The following CSMD3 variants were observed in gnomAD, a reference collection of about 807,000 sequenced individuals.
CSMD3 encodes the protein CUB and Sushi multiple domains 3, also known as CUB and sushi domain-containing protein 3.
In CSMD3, 177 loss-of-function variants were observed where a neutral mutation model predicts 435.2. The ratio of observed to expected loss-of-function variants is 0.41; its 90% CI spans 0.36 to 0.46. The LOEUF (loss-of-function observed/expected upper bound fraction) is 0.46, where lower values mean the gene tolerates loss of function less well. Among genes scored for constraint, CSMD3 ranks in the 20% least tolerant of loss-of-function variants. The pLI is 0.34. For missense variants in CSMD3, 4,265 were observed against 4,504.6 expected, an observed-to-expected ratio of 0.95 and a Z score of 1.52; for synonymous variants, 1,656 against 1,520.5, an observed-to-expected ratio of 1.09 and a Z score of -2.07.
intron 4 of CSMD3, among the ~76,000 whole-genome samples, chr8:113,172,102 T>A (rs376131290): frequency 9.8e-5 from 15 of 152,328 alleles, no homozygotes; most frequent in Middle Eastern, 6.8e-3. Context: ...TTCTTGCTCC[T>A]AGTGCTGCTG....
At chr8:112,852,882 A>G (rs1025166882) in intron 11 of CSMD3, among the ~76,000 whole-genome samples, 2 of 151,852 alleles carry the variant, frequency 1.3e-5, no homozygotes, top group African/African-American at 2.4e-5. Context: ...AGATCGTGCC[A>G]CTGTACTCCA....
At chr8:112,302,833 G>A (rs1341424472) in intron 52 of CSMD3, among the ~76,000 whole-genome samples, 5 of 151,048 alleles carry the variant, frequency 3.3e-5, no homozygotes, top group Non-Finnish European at 5.9e-5. Flanking sequence ...ATCATTTGAG[G>A]TCGCTATTAA....
intron 41 of CSMD3, among the ~76,000 whole-genome samples, chr8:112,342,777 G>A (rs950532531): frequency 6.6e-6 from 1 of 151,478 alleles, no homozygotes; most frequent in Non-Finnish European, 1.5e-5. Context: ...ATTTAAAACA[G>A]GGTTTAAAAT....
At chr8:113,404,238 A>G (rs1328436562) in intron 1 of CSMD3, among the ~76,000 whole-genome samples, 2 of 151,436 alleles carry the variant, frequency 1.3e-5, no homozygotes, top group Non-Finnish European at 3.0e-5. Flanking sequence ...AAAATTAATG[A>G]AATGCATAAT....
intron 9 of CSMD3, among the ~76,000 whole-genome samples, chr8:112,929,166 C>G (rs1475629836): frequency 2.2e-5 from 3 of 134,646 alleles, no homozygotes; most frequent in Non-Finnish European, 4.6e-5. Flanking sequence ...TGTTTGAGTT[C>G]ATTGTAGATT....
chr8:112,553,404 A>G (rs574880194), intron 25 of CSMD3, among the ~76,000 whole-genome samples: 1 of 152,070 alleles, frequency 6.6e-6, no homozygotes, highest in African/African-American at 2.4e-5. Context: ...CTGTTGTGAT[A>G]ACTGGAGTGA....
intron 4 of CSMD3, among the ~76,000 whole-genome samples, chr8:113,115,824 T>C (rs577114493): frequency 3.0e-4 from 45 of 152,300 alleles, no homozygotes; most frequent in Middle Eastern, 3.4e-3. Flanking sequence ...TTAAATCTTA[T>C]CTTCTGAGGC....
chr8:113,390,986 T>C (rs369356440), intron 1 of CSMD3, among the ~76,000 whole-genome samples: 1 of 152,056 alleles, frequency 6.6e-6, no homozygotes, highest in Admixed American at 6.6e-5. Flanking sequence ...ATGCTTCATG[T>C]TGTCAACAGC....
chr8:113,390,551 G>A (rs2094457251), intron 1 of CSMD3, among the ~76,000 whole-genome samples: 1 of 151,696 alleles, frequency 6.6e-6, no homozygotes, highest in Non-Finnish European at 1.5e-5. Context: ...TCACTAGGTT[G>A]TGAACTCCTT....
At chr8:113,392,865 G>T (rs1349114231) in intron 1 of CSMD3, among the ~76,000 whole-genome samples, 1 of 151,624 alleles carries the variant, frequency 6.6e-6, no homozygotes, top group African/African-American at 2.4e-5. Context: ...GAAGAAAATT[G>T]CTTATAGTTT....
chr8:113,008,867 TATAA>T (rs541352289), intron 6 of CSMD3, among the ~76,000 whole-genome samples: 17 of 151,500 alleles, frequency 1.1e-4, no homozygotes, highest in South Asian at 6.2e-4. Flanking sequence ...TCTTCTAGTC[TATAA>T]ATAAACTATT....
chr8:113,272,143 C>T (rs113473234), intron 3 of CSMD3, among the ~76,000 whole-genome samples: 3,514 of 152,120 alleles, frequency 0.023, 50 homozygotes, highest in Middle Eastern at 0.051. Context: ...TAGGTGCAAG[C>T]GACTTACCTT....
At chr8:112,852,702 C>G (rs541496450) in intron 11 of CSMD3, among the ~76,000 whole-genome samples, 2 of 151,918 alleles carry the variant, frequency 1.3e-5, no homozygotes, top group Admixed American at 1.3e-4. Flanking sequence ...GTGGGTGGAT[C>G]GCGAGGTCAG....
At chr8:113,182,584 C>T (rs1360543268) in intron 3 of CSMD3, among the ~76,000 whole-genome samples, 2 of 151,738 alleles carry the variant, frequency 1.3e-5, no homozygotes, top group African/African-American at 2.4e-5. Flanking sequence ...AAACTCACAA[C>T]GAATTGCTTA....
At chr8:112,929,391 A>T (rs987499570) in intron 9 of CSMD3, among the ~76,000 whole-genome samples, 3 of 49,526 alleles carry the variant, frequency 6.1e-5, no homozygotes, top group East Asian at 8.4e-4. Context: ...AAAAAAATTA[A>T]AAAAAAAAGA....
At chr8:113,076,134 A>G (rs552347464) in intron 5 of CSMD3, among the ~76,000 whole-genome samples, 2 of 151,712 alleles carry the variant, frequency 1.3e-5, no homozygotes, top group African/African-American at 4.8e-5. Flanking sequence ...TATTTGTGAT[A>G]TGGAAATAAG....
chr8:112,894,884 T>C (rs1442893379), intron 10 of CSMD3, among the ~76,000 whole-genome samples: 2 of 151,168 alleles, frequency 1.3e-5, no homozygotes, highest in Non-Finnish European at 3.0e-5. Context: ...ATCACATTGA[T>C]AGTATTTATC....
At chr8:112,809,073 C>T (rs534852432) in intron 12 of CSMD3, among the ~76,000 whole-genome samples, 1 of 152,222 alleles carries the variant, frequency 6.6e-6, no homozygotes, top group Admixed American at 6.5e-5. Flanking sequence ...TGATATTTTT[C>T]CCCTTTGAAC....
chr8:113,222,194 TATA>T (rs1205718671), intron 3 of CSMD3, among the ~76,000 whole-genome samples: 1 of 151,290 alleles, frequency 6.6e-6, no homozygotes, highest in Non-Finnish European at 1.5e-5. Flanking sequence ...TCTTATTTTC[TATA>T]ATGTTTTATT....
Sources: gnomAD v4.1 joint callset for allele counts (sites outside exome capture counted in the v4.1 genomes callset) on GRCh38, gnomAD v4.1.1 for gene constraint, MANE v1.5 for transcripts, NCBI Gene and HGNC (gene_info 2026-07-23, HGNC 2026-07-21) for gene names.